Variants in SGPL1 observed in about 807,000 individuals in gnomAD.
SGPL1 encodes the protein SP-lyase 1.
A neutral mutation model predicts 68.9 loss-of-function variants in SGPL1; 37 were observed. The observed-to-expected ratio is 0.54, with a 90% CI of 0.41 to 0.71. SGPL1 has a LOEUF of 0.71. SGPL1 is among the 30% of genes least tolerant of loss of function. The probability of loss-of-function intolerance (pLI) is 0.00; values close to 1 mark genes in which losing one functional copy is unlikely to be tolerated. For synonymous variants in SGPL1, 236 were observed against 248.5 expected, an observed-to-expected ratio of 0.95 and a Z score of 0.47; for missense variants, 551 against 704.6, an observed-to-expected ratio of 0.78 and a Z score of 2.47.
Position 70,871,979 on chromosome 10 carries a change from C to G in SGPL1, c.1052C>G (p.Thr351Ser). ...VKGVTSISAD[T>S]HKYGYAPKGS... ...GGTGTAACCAGCATTTCAGCTGACA[C>G]CCATAAGGTGAGCTAAGGAGGAGAT... Residue 351 changes from threonine to serine, a missense_variant, in exon 11 of 15, where the codon ACC (threonine) becomes AGC (serine). By Grantham distance (58) the Thr-to-Ser change is moderately conservative (BLOSUM62 1). Transcript: ENST00000373202. 1.2e-6 allele frequency: 2 copies of G among 1,613,842 alleles called. No individual in the cohort carries two copies. The highest frequency in any genetic ancestry group is 8.5e-7 in the Non-Finnish European group (1 of 1,179,940).
At chr10:70,877,111 G>T in intron 14 of SGPL1, 84 bp from the exon 15 acceptor site, 3 of 1,389,108 alleles carry the variant, frequency 2.2e-6, no homozygotes, top group South Asian at 1.2e-5. Flanking sequence ...GCTAGGACTC[G>T]GGGAGAAGGG....
intron 3 of SGPL1, among the ~76,000 whole-genome samples, chr10:70,848,113 A>G (rs967085260): frequency 6.6e-6 from 1 of 152,198 alleles, no homozygotes; most frequent in Non-Finnish European, 1.5e-5. Context: ...GCTTTATGTC[A>G]TGGAGGAAAT....
At chr10:70,829,462 TG>T (rs2131858690) in intron 2 of SGPL1, among the ~76,000 whole-genome samples, 1 of 152,364 alleles carries the variant, frequency 6.6e-6, no homozygotes, top group Non-Finnish European at 1.5e-5. Flanking sequence ...TGTTTATCAT[TG>T]GATAATTCAG....
intron 2 of SGPL1, among the ~76,000 whole-genome samples, chr10:70,823,784 G>T (rs867450358): frequency 6.6e-6 from 1 of 151,524 alleles, no homozygotes; most frequent in African/African-American, 2.4e-5. Flanking sequence ...AAAGCAGCAA[G>T]ATTCTTCTTT....
At chr10:70,824,746 G>A (rs1315943888) in intron 2 of SGPL1, among the ~76,000 whole-genome samples, 2 of 152,166 alleles carry the variant, frequency 1.3e-5, no homozygotes, top group Admixed American at 6.5e-5. Context: ...GTCCAATTAT[G>A]TAGTGCTTAA....
chr10:70,829,309 C>T (rs1201962060), intron 2 of SGPL1, among the ~76,000 whole-genome samples: 1 of 152,136 alleles, frequency 6.6e-6, no homozygotes, highest in East Asian at 1.9e-4. Flanking sequence ...AGAAATAGCT[C>T]ATTACTAAGG....
chr10:70,816,813 T>G lies in SGPL1; in HGVS notation c.-41T>G. The G allele has an allele frequency of 3.1e-6, 5 of 1,609,236 alleles. No homozygotes were observed. The highest frequency in any genetic ancestry group is 3.4e-6 in the Non-Finnish European group (4 of 1,175,754). On this transcript the variant is annotated splice_region_variant and 5_prime_UTR_variant, in exon 2 of 15. Transcript: ENST00000373202. ...ACAAACCTGGTTCCCTTTTACAGAG[T>G]CTGAAAAAGGGGAGCGCGGAGAGGA...
intron 5 of SGPL1, 200 bp from the exon 6 acceptor site, chr10:70,857,411 GATA>G: frequency 4.0e-6 from 2 of 497,420 alleles, no homozygotes; most frequent in Admixed American, 3.4e-5. Context: ...TCACATTGCT[GATA>G]ATAATGATTT....
intron 7 of SGPL1, among the ~76,000 whole-genome samples, chr10:70,863,401 TCTGATAATTCCAATATC>T (rs1846119494): frequency 6.6e-6 from 1 of 151,858 alleles, no homozygotes; most frequent in South Asian, 2.1e-4. Context: ...GTATTCTGTG[TCTGATAATTCCAATATC>T]CATGAGCCTT....
chr10:70,871,816 T>C (rs372171162), intron 10 of SGPL1, 21 bp from the exon 11 acceptor site: 2 of 1,611,674 alleles, frequency 1.2e-6, no homozygotes, highest in African/African-American at 1.3e-5. Flanking sequence ...TTCTCTTATG[T>C]TCTTTGTTTT....
At chr10:70,825,518 A>G (rs1845417691) in intron 2 of SGPL1, among the ~76,000 whole-genome samples, 1 of 152,188 alleles carries the variant, frequency 6.6e-6, no homozygotes. Context: ...TAGCATATGG[A>G]TTATAGAAAG....
At chr10:70,861,809 TA>T (rs1440758002) in intron 7 of SGPL1, among the ~76,000 whole-genome samples, 1 of 152,182 alleles carries the variant, frequency 6.6e-6, no homozygotes, top group Non-Finnish European at 1.5e-5. Context: ...GAGGGGGTTC[TA>T]GGTCCCCCAG....
chr10:70,860,531 C>T, intron 7 of SGPL1: 1 of 438,274 alleles, frequency 2.3e-6, no homozygotes, highest in Non-Finnish European at 4.6e-6. Flanking sequence ...AACAGAACCA[C>T]CCATAATACA....
At position 70,873,685 on chromosome 10, in the gene SGPL1, C is replaced by G. The variant is rs1455522575; in HGVS notation, c.1298+96C>G. The stretch of plus-strand genomic sequence containing the variant: ...TGGCTAAGTATCCATAGCCCTAGCC[C>G]ACCTGTTGTCTCCTGCGATATAGAG... On this transcript the variant is annotated intron_variant, in intron 12 of 14. Coordinates refer to ENST00000373202, the MANE Select transcript of SGPL1 (RefSeq NM_003901.4). 7.9e-6 allele frequency: 7 copies of G among 888,584 alleles called. No homozygotes were observed. The East Asian group carries it at 1.7e-4, about 21-fold the overall frequency. The allele number at this position is 888,584 out of a possible 1,614,324, so 55.0% of individuals were successfully genotyped here. A position where few individuals can be genotyped will look rare whatever the true frequency, so the allele number is the denominator to read the frequency against.
rs1846371133 is a variant in SGPL1 at position 70,875,545 on chromosome 10, C to T, written c.1442C>T (p.Pro481Leu). ...AACTTGAACCAGTTGCAGTTCCCAC[C>T]CAGGTAAGCTTGAAGAAGCCTCTTT... ...GWNLNQLQFP[P>L]SIHFCITLLH... The change falls in exon 13 of 15, where the codon CCC (proline) becomes CTC (leucine). Residue 481 changes from proline (P) to leucine (L), a missense_variant. By Grantham distance (98) the Pro-to-Leu change is moderately conservative (BLOSUM62 -3). Transcript: ENST00000373202. 6.2e-7 allele frequency: 1 copy of T among 1,606,700 alleles called. No homozygotes were observed. The highest frequency in any genetic ancestry group is 1.7e-5 in the Admixed American group (1 of 59,546).
chr10:70,876,744 C>T (rs1846396970), intron 14 of SGPL1, 83 bp downstream of exon 14: 1 of 1,228,734 alleles, frequency 8.1e-7, no homozygotes, highest in Admixed American at 2.2e-5. Flanking sequence ...GACCCGGAGT[C>T]TGTTCCTGCC....
At chr10:70,863,579 C>A (rs115051048) in intron 7 of SGPL1, among the ~76,000 whole-genome samples, 1 of 152,114 alleles carries the variant, frequency 6.6e-6, no homozygotes, top group Non-Finnish European at 1.5e-5. Context: ...AAGTTCTCTT[C>A]TTCCAGAGAA....
At position 70,873,377 on chromosome 10, in the gene SGPL1, A is replaced by G. The variant is rs1265190629; in HGVS notation, c.1086A>G (p.Ser362=). 5 of 1,614,154 alleles carry G rather than the reference A, an allele frequency of 3.1e-6. No homozygotes were observed. Among genetic ancestry groups the G allele is most frequent in the South Asian group, 2.2e-5 (2 of 91,080 alleles). Residue 362 remains serine (S), a synonymous_variant, in exon 12 of 15, where the codon TCA becomes TCG. Transcript: ENST00000373202. The stretch of plus-strand genomic sequence containing the variant: ...ATGGCTATGCCCCAAAAGGCTCATC[A>G]TTGGTGTTGTATAGTGACAAGAAGT... ...HKYGYAPKGS[S]LVLYSDKKYR... is the part of the protein sequence containing the mutation.
At chr10:70,856,515 C>G (rs1446718034) in intron 5 of SGPL1, among the ~76,000 whole-genome samples, 1 of 152,116 alleles carries the variant, frequency 6.6e-6, no homozygotes, top group South Asian at 2.1e-4. Context: ...TCTCTAGCAT[C>G]AGTAAAAGAA....
Sources: gnomAD v4.1 joint callset for allele counts (sites outside exome capture counted in the v4.1 genomes callset) on GRCh38, gnomAD v4.1.1 for gene constraint, MANE v1.5 for transcripts, NCBI Gene and HGNC (gene_info 2026-07-23, HGNC 2026-07-21) for gene names.